CA5A: variants seen among roughly 807,000 people sequenced by gnomAD.
The protein encoded by CA5A is carbonic anhydrase 5A.
A neutral mutation model predicts 37.1 loss-of-function variants in CA5A; 28 were observed. That is an observed-to-expected ratio of 0.75 (90% confidence interval 0.56 to 1.03). The LOEUF is 1.03. Ranked by LOEUF, CA5A falls within the 50% of genes least tolerant of loss-of-function variation. The pLI, the probability that CA5A is intolerant of heterozygous loss-of-function variation, is 0.00. For missense variants in CA5A, 444 were observed against 399.9 expected (o/e 1.11, Z -0.94); for synonymous variants, 171 against 158.4 (o/e 1.08, Z -0.60).
chr16:87,917,216 C>T (rs769016066), intron 2 of CA5A, among the ~76,000 whole-genome samples: 6 of 152,004 alleles, frequency 3.9e-5, no homozygotes, highest in Non-Finnish European at 5.9e-5. Flanking sequence ...CCAACATGAT[C>T]GCACCCCTGG....
At chr16:87,929,451 C>CAA (rs138039345) in intron 1 of CA5A, among the ~76,000 whole-genome samples, 1,458 of 88,064 alleles carry the variant, frequency 0.017, 30 homozygotes, top group African/African-American at 0.058. Context: ...AATTCGGTCT[C>CAA]AAAAAAAAAA....
chr16:87,883,610 G>C (rs976559662), downstream of CA5A: 1 of 150,690 alleles, frequency 6.6e-6, no homozygotes, highest in African/African-American at 2.4e-5. Context: ...GATTACAGGC[G>C]TGAGCCACCG....
chr16:87,914,034 T>C (rs1488317329), intron 2 of CA5A, among the ~76,000 whole-genome samples: 3 of 152,214 alleles, frequency 2.0e-5, no homozygotes, highest in Non-Finnish European at 2.9e-5. Flanking sequence ...CCGGACTTCC[T>C]AGCTGGATCT....
At chr16:87,889,154 G>C (rs543060547) in intron 6 of CA5A, among the ~76,000 whole-genome samples, 1 of 151,544 alleles carries the variant, frequency 6.6e-6, no homozygotes, top group African/African-American at 2.4e-5. Context: ...CCTGACCTCA[G>C]GTTATCCACC....
intron 5 of CA5A, among the ~76,000 whole-genome samples, chr16:87,894,514 G>T (rs2055772622): frequency 6.6e-6 from 1 of 151,872 alleles, no homozygotes; most frequent in South Asian, 2.1e-4. Flanking sequence ...TGTCCACACT[G>T]GCAGACACAT....
At chr16:87,905,423 G>C (rs1187295880) in intron 2 of CA5A, among the ~76,000 whole-genome samples, 2 of 152,158 alleles carry the variant, frequency 1.3e-5, no homozygotes, top group Non-Finnish European at 2.9e-5. Context: ...ACAATGGCAT[G>C]ATCTCAGCTC....
At chr16:87,928,369 G>C (rs571196665) in intron 1 of CA5A, among the ~76,000 whole-genome samples, 1 of 152,182 alleles carries the variant, frequency 6.6e-6, no homozygotes, top group Non-Finnish European at 1.5e-5. Flanking sequence ...TCACTATGTT[G>C]CCCAGGCTGG....
chr16:87,936,401 T>C lies in CA5A; in HGVS notation c.50A>G (p.Glu17Gly), dbSNP rs1264665510. 4 of 1,613,900 alleles carry C rather than the reference T, an allele frequency of 2.5e-6. No homozygotes were observed. The African/African-American group carries it at 4.0e-5, about 16-fold the overall frequency. The change falls in exon 1 of 7, where the codon GAG becomes GGG. Residue 17 changes from glutamate to glycine, a missense_variant. Transcript: ENST00000649794. ...WKTSAFSFLV[E>G]QMWAPLWSRS... ...ACTCCAGAGAGGGGCCCACATCTGC[T>C]CAACCAAGAAGGAGAAAGCTGAGGT... is the stretch of plus-strand genomic sequence containing the variant.
intron 4 of CA5A, chr16:87,882,579 C>T (rs538007826): frequency 6.6e-6 from 1 of 152,366 alleles, no homozygotes; most frequent in South Asian, 2.1e-4. Flanking sequence ...ATTCCCCAGA[C>T]CAACGGCGCT....
chr16:87,931,379 T>C (rs1401836641), intron 1 of CA5A, among the ~76,000 whole-genome samples: 1 of 152,226 alleles, frequency 6.6e-6, no homozygotes, highest in African/African-American at 2.4e-5. Context: ...CCCAAAGTGC[T>C]GGGATTACAG....
downstream of CA5A, chr16:87,885,850 AC>A (rs1257910960): frequency 2.6e-5 from 4 of 152,186 alleles, no homozygotes; most frequent in Non-Finnish European, 5.9e-5. Context: ...CCTGTGACTT[AC>A]CACTCCAGAC....
At chr16:87,917,791 TAC>T (rs1399505233) in intron 2 of CA5A, among the ~76,000 whole-genome samples, 2 of 96,198 alleles carry the variant, frequency 2.1e-5, no homozygotes, top group East Asian at 3.3e-4. Context: ...CACACATGTA[TAC>T]ACAGTGCACA....
At chr16:87,908,806 C>CCTT (rs1433486227) in intron 2 of CA5A, among the ~76,000 whole-genome samples, 1 of 151,874 alleles carries the variant, frequency 6.6e-6, no homozygotes, top group Non-Finnish European at 1.5e-5. Context: ...TTCTTCTCCT[C>CCTT]CTTCTTCTTC....
intron 2 of CA5A, among the ~76,000 whole-genome samples, chr16:87,924,726 G>A (rs1279373641): frequency 2.6e-5 from 4 of 152,262 alleles, no homozygotes; most frequent in African/African-American, 7.2e-5. Context: ...GTGTAAGGAA[G>A]GTGAATGCTG....
intron 1 of CA5A, among the ~76,000 whole-genome samples, chr16:87,934,082 A>AG (rs1272114469): frequency 1.3e-5 from 2 of 152,262 alleles, no homozygotes; most frequent in African/African-American, 4.8e-5. Flanking sequence ...AAATAGACAC[A>AG]GGGCACCCAC....
chr16:87,924,035 C>G (rs2056266973), intron 2 of CA5A: 1 of 985,238 alleles, frequency 1.0e-6, no homozygotes. Context: ...TGGAACAGAC[C>G]AACAAGGGGA....
intron 2 of CA5A, among the ~76,000 whole-genome samples, chr16:87,921,423 G>A (rs1267537094): frequency 5.9e-5 from 9 of 152,210 alleles, no homozygotes; most frequent in Admixed American, 5.9e-4. Context: ...TTTTTCAGGA[G>A]GGCCCTCACC....
intron 1 of CA5A, 82 bp from the exon 2 acceptor site, chr16:87,927,027 C>T (rs1204719282): frequency 2.1e-6 from 2 of 965,552 alleles, no homozygotes; most frequent in African/African-American, 1.6e-5. Context: ...AACCCGGCCG[C>T]ACGAGACCCC....
chr16:87,926,419 T>C (rs547354463), intron 2 of CA5A, among the ~76,000 whole-genome samples: 1 of 152,168 alleles, frequency 6.6e-6, no homozygotes, highest in Non-Finnish European at 1.5e-5. Flanking sequence ...ACGCGCAAAG[T>C]GTTCGCATTT....
Sources: allele counts gnomAD v4.1 joint callset (sites outside exome capture counted in the v4.1 genomes callset), GRCh38; gene constraint gnomAD v4.1.1; transcripts MANE v1.5; gene names NCBI Gene and HGNC (gene_info 2026-07-23, HGNC 2026-07-21).